Variants in COBL observed in about 807,000 individuals in gnomAD.
COBL encodes the protein cordon-bleu WH2 repeat protein, also known as protein cordon-bleu.
In COBL, 51 loss-of-function variants were observed where a neutral mutation model predicts 98.8. That is an observed-to-expected ratio of 0.52 (90% CI 0.41 to 0.65). COBL has a LOEUF of 0.65. Among genes scored for constraint, COBL ranks in the 30% least tolerant of loss-of-function variants. The pLI is 0.00. For synonymous variants in COBL, 634 were observed against 651.7 expected, an observed-to-expected ratio of 0.97 and a Z score of 0.41; for missense variants, 1,617 against 1,617.5, an observed-to-expected ratio of 1.00 and a Z score of 0.01.
rs550329726 is a variant in COBL at position 51,051,833 on chromosome 7, T to C, written c.1097-8141A>G. Among the ~76,000 whole-genome samples, 23 of 147,392 alleles carry C rather than the reference T, an allele frequency of 1.6e-4. No homozygotes were observed. In the South Asian group the frequency reaches 4.8e-3, roughly 31 times the overall value. On this transcript the variant is annotated intron_variant, in intron 7 of 12. Transcript: ENST00000265136. ...GGCCAGTTTTTCTCTGTAGCCACAA[T>C]GCTGGCTTTGGCTGATGATGCTTAG...
At chr7:51,204,284 A>C (rs531989166) in intron 2 of COBL, among the ~76,000 whole-genome samples, 4 of 152,354 alleles carry the variant, frequency 2.6e-5, no homozygotes, top group Non-Finnish European at 5.9e-5. Flanking sequence ...ATGGAGAAAA[A>C]CTGAAAGCTT....
At chr7:51,050,564 G>C (rs1044628506) in intron 7 of COBL, among the ~76,000 whole-genome samples, 2 of 152,178 alleles carry the variant, frequency 1.3e-5, no homozygotes, top group African/African-American at 4.8e-5. Context: ...GTTCCATGCT[G>C]GACCAATCAA....
chr7:51,186,464 G>A lies in COBL; in HGVS notation c.686-2265C>T, dbSNP rs149910107. 3.8e-3 allele frequency among the ~76,000 whole-genome samples: 572 copies of A among 152,278 alleles called. 1 individual carries two copies. Among genetic ancestry groups the A allele is most frequent in the African/African-American group, 0.013 (550 of 41,560 alleles). ...CCTAGTACACAAGCTGTATTACACC[G>A]ACCACAGAAAGGACAGACTGCATCA... On this transcript the variant is annotated intron_variant, in intron 4 of 12. Transcript: ENST00000265136.
chr7:51,028,311 C>A lies in COBL; in HGVS notation c.2785G>T (p.Ala929Ser). Residue 929 changes from alanine (A) to serine (S), a missense_variant, in exon 10 of 13, where the codon GCC (alanine) becomes TCC (serine). Around this residue, in one of 3 missense-constraint regions of COBL, gnomAD observed 1,304 missense variants for 1,282.0 expected, o/e 1.02. Coordinates refer to ENST00000265136, the MANE Select transcript of COBL (RefSeq NM_015198.5). The part of the protein sequence containing the change: ...HSETQGWKDG[A>S]QWPCVTPPNN... ...GGAGGAGTGACACAGGGCCACTGGG[C>A]ACCATCCTTCCATCCTTGTGTCTCT... The A allele has an allele frequency of 6.2e-7, 1 of 1,614,266 alleles. No homozygotes were observed. The highest frequency in any genetic ancestry group is 8.5e-7 in the Non-Finnish European group (1 of 1,180,046).
intron 2 of COBL, among the ~76,000 whole-genome samples, chr7:51,212,625 ACAG>A (rs1233336852): frequency 1.3e-5 from 2 of 152,174 alleles, no homozygotes; most frequent in Non-Finnish European, 2.9e-5. Flanking sequence ...AATCATTCCT[ACAG>A]TCCCCCTGTT....
intron 7 of COBL, among the ~76,000 whole-genome samples, chr7:51,056,420 A>G (rs1790754328): frequency 6.6e-6 from 1 of 152,070 alleles, no homozygotes; most frequent in Non-Finnish European, 1.5e-5. Flanking sequence ...GGGGGAAATG[A>G]GCCCTCATCA....
Position 51,051,387 on chromosome 7 carries a change from T to C in COBL, c.1097-7695A>G, listed in dbSNP as rs1467141658. ...TGTGTATTTAATTTCCAAGAATGTTTTGATGCTTATTTGTTTTTCAATAAT... is the reference window on the plus strand; with the variant it reads ...TGTGTATTTAATTTCCAAGAATGTTCTGATGCTTATTTGTTTTTCAATAAT... On this transcript the variant is annotated intron_variant, in intron 7 of 12. Transcript: ENST00000265136. Among the ~76,000 whole-genome samples the C allele has an allele frequency of 2.6e-5, 4 of 152,332 alleles. No homozygotes were observed. The East Asian group carries it at 7.7e-4, about 29-fold the overall frequency.
At chr7:51,050,540 A>T (rs1408583817) in intron 7 of COBL, among the ~76,000 whole-genome samples, 1 of 152,216 alleles carries the variant, frequency 6.6e-6, no homozygotes. Flanking sequence ...TGTTATATCC[A>T]AAGATGAGTA....
chr7:51,308,162 T>C (rs145070120), intron 1 of COBL, among the ~76,000 whole-genome samples: 26 of 152,328 alleles, frequency 1.7e-4, no homozygotes, highest in African/African-American at 5.8e-4. Flanking sequence ...AGTTTGTGCA[T>C]TGAACACTAG....
chr7:51,305,854 T>G (rs964173557), intron 1 of COBL, among the ~76,000 whole-genome samples: 1 of 151,996 alleles, frequency 6.6e-6, no homozygotes, highest in African/African-American at 2.4e-5. Context: ...GCCAACATGG[T>G]GAAGACCCGT....
Position 51,028,077 on chromosome 7 carries a change from T to G in COBL, c.3019A>C (p.Ser1007Arg). The change falls in exon 10 of 13, where the codon AGC (serine) becomes CGC (arginine). Residue 1007 changes from serine (S) to arginine (R), a missense_variant. Physicochemically the swap from Ser to Arg is moderately radical, Grantham distance 110 (BLOSUM62 -1). This residue lies in a region of COBL where 1,304 missense variants were observed against 1,282.0 expected (regional missense o/e 1.02). Transcript: ENST00000265136. ...GCGCGTCTGGGCTCAGATGCTGAGC[T>G]GGCCTCCTGGCTACTTGTGCTTTGC... is the stretch of plus-strand genomic sequence containing the variant. Reference protein sequence around the residue: ...GKQSTSSQEASSASEPRRAPD... With the variant: ...GKQSTSSQEARSASEPRRAPD... The G allele has an allele frequency of 6.2e-7, 1 of 1,613,760 alleles. No individual in the cohort carries two copies. The highest frequency in any genetic ancestry group is 1.1e-5 in the South Asian group (1 of 91,012).
At chr7:51,115,598 T>A (rs1409181840) in intron 6 of COBL, among the ~76,000 whole-genome samples, 1 of 152,168 alleles carries the variant, frequency 6.6e-6, no homozygotes. Context: ...TGTTGATTTC[T>A]AATGTAATAC....
At chr7:51,069,355 C>T (rs1005436704) in intron 7 of COBL, among the ~76,000 whole-genome samples, 26 of 152,370 alleles carry the variant, frequency 1.7e-4, no homozygotes, top group African/African-American at 6.0e-4. Flanking sequence ...AGGCTCCTGA[C>T]TATAGGACAT....
At chr7:51,235,775 T>C (rs1795199827) in intron 1 of COBL, among the ~76,000 whole-genome samples, 1 of 152,062 alleles carries the variant, frequency 6.6e-6, no homozygotes. Flanking sequence ...ACATTGTAAG[T>C]CAGGCAGTGA....
chr7:51,025,493 AGGT>A (rs1452752474), intron 11 of COBL, 121 bp from the exon 12 acceptor site: 1 of 994,874 alleles, frequency 1.0e-6, no homozygotes, highest in African/African-American at 1.6e-5. Context: ...CTAGGTCATG[AGGT>A]GGAGCCCTCA....
At chr7:51,152,671 T>G (rs774400547) in intron 5 of COBL, among the ~76,000 whole-genome samples, 3 of 152,218 alleles carry the variant, frequency 2.0e-5, no homozygotes, top group Non-Finnish European at 4.4e-5. Flanking sequence ...TTGCTAAGAG[T>G]TGGCAAAGGC....
intron 1 of COBL, among the ~76,000 whole-genome samples, chr7:51,271,751 C>G (rs906991890): frequency 6.6e-6 from 1 of 152,166 alleles, no homozygotes; most frequent in African/African-American, 2.4e-5. Context: ...TGAAACCAGT[C>G]GGACACAGTG....
chr7:51,082,727 G>T (rs1270559400), intron 7 of COBL, among the ~76,000 whole-genome samples: 1 of 152,156 alleles, frequency 6.6e-6, no homozygotes, highest in Non-Finnish European at 1.5e-5. Flanking sequence ...ATCACACGAC[G>T]GCTGTGCCGG....
chr7:51,076,602 C>A (rs1793097379), intron 7 of COBL, among the ~76,000 whole-genome samples: 3 of 152,340 alleles, frequency 2.0e-5, no homozygotes, highest in Middle Eastern at 3.4e-3. Flanking sequence ...ATAGATAGTT[C>A]ATTCCTCTCA....
Sources: gnomAD v4.1 joint callset for allele counts (sites outside exome capture counted in the v4.1 genomes callset) on GRCh38, gnomAD v4.1.1 for gene constraint, gnomAD v4.1.1 regional missense constraint, MANE v1.5 for transcripts, NCBI Gene and HGNC (gene_info 2026-07-23, HGNC 2026-07-21) for gene names.